The following ADGRG4 variants were observed in gnomAD, a reference collection of about 807,000 sequenced individuals.
ADGRG4 encodes the protein G protein-coupled receptor 112.
ADGRG4 carries 122 observed loss-of-function variants against 126.2 expected under a neutral mutation model. The ratio of observed to expected loss-of-function variants is 0.97; its 90% confidence interval spans 0.83 to 1.12. ADGRG4 has a LOEUF of 1.12. ADGRG4 is among the 50% of genes most tolerant of loss of function. ADGRG4 has a pLI of 0.00. For synonymous variants in ADGRG4, 943 were observed against 838.7 expected (o/e 1.12, Z -2.15); for missense variants, 2,481 against 2,251.8 (o/e 1.10, Z -2.06).
intron 15 of ADGRG4, among the ~76,000 whole-genome samples, chrX:136,375,731 T>A (rs1481626025): frequency 8.9e-6 from 1 of 111,903 alleles, no homozygotes; most frequent in Non-Finnish European, 1.9e-5. Flanking sequence ...TTTGATAGGA[T>A]CCTTTGATTT....
At chrX:136,365,250 A>G (rs747998733) in intron 13 of ADGRG4, among the ~76,000 whole-genome samples, 6 of 111,282 alleles carry the variant, frequency 5.4e-5, no homozygotes, top group Non-Finnish European at 5.7e-5. Context: ...CATCACCCCA[A>G]AAAGAAACCC....
rs758411213 is a variant in ADGRG4 at position 136,346,542 on chromosome X, T to C, written c.2836T>C (p.Ser946Pro). 4.1e-6 allele frequency: 5 copies of C among 1,208,691 alleles called. No homozygotes were observed. Among genetic ancestry groups the C allele is most frequent in the Non-Finnish European group, 5.6e-6 (5 of 894,291 alleles). ...TYVAHWTSET[S>P]EGISAGSPTS... ...TGTAGCACATTGGACTTCAGAGACA[T>C]CTGAGGGAATTTCAGCTGGATCTCC... Residue 946 changes from serine to proline, a missense_variant, in exon 6 of 26, where the codon TCT becomes CCT. Physicochemically the swap from Ser to Pro is moderately conservative, Grantham distance 74. Transcript: ENST00000394143.
intron 5 of ADGRG4, among the ~76,000 whole-genome samples, chrX:136,337,626 G>A (rs1053032931): frequency 1.8e-5 from 2 of 112,147 alleles, no homozygotes; most frequent in Admixed American, 9.4e-5. Context: ...AAAATATTAT[G>A]ACAGCTTCTT....
chrX:136,356,040 C>T (rs1325935255), intron 8 of ADGRG4, 86 bp from the exon 9 acceptor site: 1 of 606,167 alleles, frequency 1.6e-6, no homozygotes, highest in South Asian at 3.9e-5. Context: ...TGTTCTGCCT[C>T]AGAGTTGCCT....
chrX:136,344,584 C>T lies in ADGRG4; in HGVS notation c.878C>T (p.Pro293Leu). ...TCATATTCCAATACAACATCTCCAC[C>T]TCTGGAAACAATGACTGCACAAAAA... ...TISYSNTTSP[P>L]LETMTAQKIL... Residue 293 changes from proline to leucine, a missense_variant, in exon 6 of 26, where the codon CCT (proline) becomes CTT (leucine). By Grantham distance (98) the Pro-to-Leu change is moderately conservative. Coordinates refer to ENST00000394143, the MANE Select transcript of ADGRG4 (RefSeq NM_153834.4). 8.3e-7 allele frequency: 1 copy of T among 1,204,572 alleles called. No homozygotes were observed. Among genetic ancestry groups the T allele is most frequent in the Middle Eastern group, 2.3e-4 (1 of 4,330 alleles).
intron 5 of ADGRG4, among the ~76,000 whole-genome samples, chrX:136,325,071 C>G (rs1239464925): frequency 1.8e-5 from 2 of 112,175 alleles, no homozygotes; most frequent in African/African-American, 6.5e-5. Flanking sequence ...CTATCAGCAG[C>G]AGCAGTCTTT....
rs1395081404 is a variant in ADGRG4, at chrX:136,322,837, A to C, written c.130A>C (p.Ser44Arg). 89 of 1,206,609 alleles carry C rather than the reference A, an allele frequency of 7.4e-5. No individual in the cohort carries two copies. Among genetic ancestry groups the C allele is most frequent in the Middle Eastern group, 4.6e-4 (2 of 4,335 alleles). Residue 44 changes from serine (S) to arginine (R), a missense_variant, in exon 5 of 26, where the codon AGC becomes CGC. By Grantham distance (110) the Ser-to-Arg change is moderately radical. Transcript: ENST00000394143. ...TTTTGGAAGAGGTGACACATATGTAAGCCTGATAGATACCATTCCTGAACT... is the reference window on the plus strand; with the variant it reads ...TTTTGGAAGAGGTGACACATATGTACGCCTGATAGATACCATTCCTGAACT... ...DFFGRGDTYV[S>R]LIDTIPELSR...
At chrX:136,362,432 C>T (rs1304682533) in intron 12 of ADGRG4, among the ~76,000 whole-genome samples, 1 of 111,421 alleles carries the variant, frequency 9.0e-6, no homozygotes, top group African/African-American at 3.3e-5. Flanking sequence ...TATCCCTTAC[C>T]CGCCTCCGCC....
In ADGRG4 at chrX:136,323,184, C is replaced by T; in HGVS notation, c.477C>T (p.Phe159=). 1 of 1,211,455 alleles carries T rather than the reference C, an allele frequency of 8.3e-7. No individual in the cohort carries two copies. The highest frequency in any genetic ancestry group is 3.0e-5 in the East Asian group (1 of 33,847). Reference sequence around the variant, plus strand: ...ACCTGACACCTCATGGGACTCTGTTCCTAGGGCACTTTCTCAAGAATGAGA... The same window carrying T: ...ACCTGACACCTCATGGGACTCTGTTTCTAGGGCACTTTCTCAAGAATGAGA... The part of the protein sequence containing the change: ...PHNLTPHGTL[F]LGHFLKNESS... Residue 159 remains phenylalanine, a synonymous_variant, in exon 5 of 26, where the codon TTC becomes TTT. Transcript: ENST00000394143.
chrX:136,387,725 G>C lies in ADGRG4; in HGVS notation c.7777-15G>C. The C allele has an allele frequency of 8.3e-7, 1 of 1,197,662 alleles. No homozygotes were observed. Among genetic ancestry groups the C allele is most frequent in the Non-Finnish European group, 1.1e-6 (1 of 889,908 alleles). ...ATGAAGACTCCAATTTTCATTTTTT[G>C]GCTTTTCTTGGCAGATTTTCCTAGG... is the stretch of plus-strand genomic sequence containing the variant. On this transcript the variant is annotated splice_polypyrimidine_tract_variant and intron_variant, in intron 15 of 25. Coordinates refer to ENST00000394143, the MANE Select transcript of ADGRG4 (RefSeq NM_153834.4).
intron 15 of ADGRG4, among the ~76,000 whole-genome samples, chrX:136,381,665 G>GATAT (rs2075264500): frequency 9.1e-6 from 1 of 110,359 alleles, no homozygotes; most frequent in African/African-American, 3.3e-5. Context: ...GAACTAGTAG[G>GATAT]ATATATATGT....
chrX:136,343,758 T>C (rs766833593), intron 5 of ADGRG4, among the ~76,000 whole-genome samples: 1 of 112,026 alleles, frequency 8.9e-6, no homozygotes, highest in Non-Finnish European at 1.9e-5. Context: ...TTACTCTGTA[T>C]AAGAAGCTAT....
At chrX:136,361,613 C>A (rs372111425) in intron 12 of ADGRG4, 26 bp downstream of exon 12, 12 of 1,102,315 alleles carry the variant, frequency 1.1e-5, no homozygotes, top group Non-Finnish European at 1.2e-6. Context: ...GTTCTAATTG[C>A]TGATTCAGAT....
At chrX:136,334,992 T>G (rs1356155296) in intron 5 of ADGRG4, among the ~76,000 whole-genome samples, 1 of 111,742 alleles carries the variant, frequency 8.9e-6, no homozygotes, top group Non-Finnish European at 1.9e-5. Context: ...CATTCAATCT[T>G]TCACCATTAC....
chrX:136,305,521 T>G (rs909590682), intron 3 of ADGRG4, among the ~76,000 whole-genome samples: 1 of 112,370 alleles, frequency 8.9e-6, no homozygotes, highest in African/African-American at 3.2e-5. Flanking sequence ...AATGACACCT[T>G]CTGGGACAAA....
At chrX:136,308,735 T>G in intron 3 of ADGRG4, 34 bp from the exon 4 acceptor site, 13 of 753,339 alleles carry the variant, frequency 1.7e-5, no homozygotes, top group Non-Finnish European at 2.7e-5. Flanking sequence ...TCTGAATATC[T>G]GAGCTGGGCA....
chrX:136,378,547 G>T (rs1050518321), intron 15 of ADGRG4, among the ~76,000 whole-genome samples: 1 of 111,151 alleles, frequency 9.0e-6, no homozygotes, highest in Non-Finnish European at 1.9e-5. Context: ...GTTGAAGTGG[G>T]CATCCTTGTC....
intron 23 of ADGRG4, 101 bp downstream of exon 23, chrX:136,406,073 T>C (rs1481200766): frequency 6.9e-6 from 6 of 866,539 alleles, no homozygotes; most frequent in Non-Finnish European, 9.5e-6. Context: ...TAACTAGATG[T>C]TAGTCTTCAT....
At chrX:136,365,351 T>C (rs912239958) in intron 13 of ADGRG4, among the ~76,000 whole-genome samples, 1 of 111,800 alleles carries the variant, frequency 8.9e-6, no homozygotes, top group African/African-American at 3.2e-5. Flanking sequence ...TTTGCCAATT[T>C]GGGGCATTTC....
Sources: allele counts gnomAD v4.1 joint callset (sites outside exome capture counted in the v4.1 genomes callset), GRCh38; gene constraint gnomAD v4.1.1; transcripts MANE v1.5; gene names NCBI Gene and HGNC (gene_info 2026-07-23, HGNC 2026-07-21).